The following KIAA0232 variants were observed in gnomAD, a reference collection of about 807,000 sequenced individuals.
KIAA0232 encodes uncharacterized protein KIAA0232.
In KIAA0232, 27 loss-of-function variants were observed where a neutral mutation model predicts 122.0. The ratio of observed to expected loss-of-function variants is 0.22; its 90% CI spans 0.16 to 0.31. The LOEUF is 0.31. Among genes scored for constraint, KIAA0232 ranks in the 10% least tolerant of loss-of-function variants. The probability of loss-of-function intolerance (pLI) is 1.00; values close to 1 mark genes in which losing one functional copy is unlikely to be tolerated. For missense variants in KIAA0232, 1,551 were observed against 1,634.2 expected (o/e 0.95, Z 0.88); for synonymous variants, 613 against 587.6 (o/e 1.04, Z -0.63).
In KIAA0232 at chr4:6,816,683, C is replaced by T. The variant is rs564527011; in HGVS notation, c.-269-7502C>T. ...GAAAGTTTGTATAGAATTGGAATTA[C>T]GCTTTTCTTAAATATTTGGTAGAAT... is the stretch of plus-strand genomic sequence containing the variant. On this transcript the variant is annotated intron_variant, in intron 2 of 9. Transcript: ENST00000307659. 6.6e-4 allele frequency among the ~76,000 whole-genome samples: 101 copies of T among 152,208 alleles called. 2 individuals carry two copies. In the South Asian group the frequency reaches 0.012, roughly 19 times the overall value.
In KIAA0232 at chr4:6,858,524, C is replaced by T. The variant is rs763117558; in HGVS notation, c.518+18C>T. Reference sequence around the variant, plus strand: ...GTGGAAATGTATGTAAGATTGTATTCGGTAATAAAGTGTGCATTTGTTAAA... The same window carrying T: ...GTGGAAATGTATGTAAGATTGTATTTGGTAATAAAGTGTGCATTTGTTAAA... On this transcript the variant is annotated intron_variant, in intron 6 of 9. Coordinates refer to ENST00000307659, the MANE Select transcript of KIAA0232 (RefSeq NM_014743.3). 164 of 1,532,592 alleles carry T rather than the reference C, an allele frequency of 1.1e-4. 1 individual carries two copies. Among genetic ancestry groups the T allele is most frequent in the South Asian group, 5.0e-4 (43 of 85,826 alleles). The allele number at this position is 1,532,592 out of a possible 1,614,324, so 94.9% of individuals were successfully genotyped here.
At chr4:6,866,835 G>C (rs1027753060) in intron 7 of KIAA0232, among the ~76,000 whole-genome samples, 3 of 152,190 alleles carry the variant, frequency 2.0e-5, no homozygotes, top group Admixed American at 6.5e-5. Context: ...TGCCCATACA[G>C]AATTCAGCGT....
chr4:6,843,927 CTTTTTTTTTTTT>C (rs373793407), intron 4 of KIAA0232, among the ~76,000 whole-genome samples: 38 of 46,360 alleles, frequency 8.2e-4, no homozygotes, highest in South Asian at 4.2e-3. Context: ...AGTTACCCAT[CTTTTTTTTTTTT>C]TTTTTTTTTT....
chr4:6,875,053 T>C (rs924917405), intron 8 of KIAA0232, among the ~76,000 whole-genome samples: 1 of 151,990 alleles, frequency 6.6e-6, no homozygotes, highest in East Asian at 1.9e-4. Flanking sequence ...CCATATGGAG[T>C]GGGCCATGGA....
At chr4:6,786,584 A>T (rs1165423343) in intron 1 of KIAA0232, among the ~76,000 whole-genome samples, 1 of 152,236 alleles carries the variant, frequency 6.6e-6, no homozygotes, top group East Asian at 1.9e-4. Context: ...CTGGGATTAC[A>T]AGCATGAGCC....
At chr4:6,872,818 G>A (rs1262030514) in intron 8 of KIAA0232, among the ~76,000 whole-genome samples, 10 of 152,236 alleles carry the variant, frequency 6.6e-5, no homozygotes, top group Admixed American at 4.6e-4. Flanking sequence ...TGTTGTCCTC[G>A]GAAAGCCTCC....
intron 2 of KIAA0232, among the ~76,000 whole-genome samples, chr4:6,821,546 C>T (rs1030215768): frequency 6.6e-6 from 1 of 151,946 alleles, no homozygotes; most frequent in Admixed American, 6.6e-5. Flanking sequence ...CTGCAAATGC[C>T]ATTACTTCGT....
At chr4:6,817,437 G>A (rs935367296) in intron 2 of KIAA0232, among the ~76,000 whole-genome samples, 67 of 152,134 alleles carry the variant, frequency 4.4e-4, no homozygotes, top group African/African-American at 1.5e-3. Context: ...GGATGGTCTC[G>A]ATCTCCTGAC....
At chr4:6,831,693 C>G (rs931063878) in intron 3 of KIAA0232, among the ~76,000 whole-genome samples, 2 of 152,206 alleles carry the variant, frequency 1.3e-5, no homozygotes, top group Admixed American at 6.5e-5. Context: ...AGAAGCCCCC[C>G]TCGTGTCCCA....
chr4:6,843,539 C>G (rs1014139769), intron 4 of KIAA0232, among the ~76,000 whole-genome samples: 1 of 152,140 alleles, frequency 6.6e-6, no homozygotes, highest in Non-Finnish European at 1.5e-5. Context: ...GAGGCCAAGG[C>G]GGGCAGATCA....
intron 4 of KIAA0232, among the ~76,000 whole-genome samples, chr4:6,854,799 A>T (rs548502719): frequency 1.3e-5 from 2 of 152,304 alleles, no homozygotes. Flanking sequence ...TTATTAAGAT[A>T]TAACTTAATC....
chr4:6,831,575 T>C (rs1261094714), intron 3 of KIAA0232, among the ~76,000 whole-genome samples: 2 of 152,250 alleles, frequency 1.3e-5, no homozygotes, highest in Non-Finnish European at 2.9e-5. Flanking sequence ...AAACTTTTTA[T>C]TGAGGCATAA....
intron 1 of KIAA0232, among the ~76,000 whole-genome samples, chr4:6,790,041 A>AC (rs1491137151): frequency 6.6e-6 from 1 of 152,140 alleles, no homozygotes; most frequent in African/African-American, 2.4e-5. Flanking sequence ...GAAAAAAAAA[A>AC]GAGTGGAAAA....
chr4:6,847,203 G>A (rs1036310038), intron 4 of KIAA0232, among the ~76,000 whole-genome samples: 15 of 152,274 alleles, frequency 9.9e-5, no homozygotes, highest in South Asian at 6.2e-4. Flanking sequence ...GTGACCATGC[G>A]TGTATGTGAC....
intron 2 of KIAA0232, among the ~76,000 whole-genome samples, chr4:6,818,257 T>G (rs1196893720): frequency 3.3e-5 from 5 of 151,692 alleles, no homozygotes; most frequent in African/African-American, 1.2e-4. Flanking sequence ...AAAAATTAGC[T>G]GGGCATGGTG....
intron 4 of KIAA0232, among the ~76,000 whole-genome samples, chr4:6,847,134 A>C (rs987495063): frequency 2.0e-5 from 3 of 152,006 alleles, no homozygotes; most frequent in African/African-American, 7.2e-5. Flanking sequence ...TATGCATTAC[A>C]TGTGAGATGA....
chr4:6,839,536 C>T (rs146360278), intron 3 of KIAA0232, among the ~76,000 whole-genome samples: 4 of 152,332 alleles, frequency 2.6e-5, no homozygotes, highest in East Asian at 3.9e-4. Context: ...TGAGTGACAA[C>T]TGCCAGTTTA....
In KIAA0232 at chr4:6,880,907, G is replaced by A; in HGVS notation, c.4129G>A (p.Gly1377Ser). The change falls in exon 10 of 10, where the codon GGC (glycine) becomes AGC (serine). Residue 1377 changes from glycine to serine, a missense_variant. By Grantham distance (56) the Gly-to-Ser change is moderately conservative. This residue lies in a region of KIAA0232 where 1,108 missense variants were observed against 1,154.8 expected (regional missense o/e 0.96). Coordinates refer to ENST00000307659, the MANE Select transcript of KIAA0232 (RefSeq NM_014743.3). The stretch of plus-strand genomic sequence containing the variant: ...CACCTCGGAAGAGACAGGCTCAGAA[G>A]GCGGAGGCGAGTGGGTGGGCCCTAG... The part of the protein sequence containing the change: ...SSTSEETGSE[G>S]GGEWVGPSEE... 3.1e-6 allele frequency: 5 copies of A among 1,606,174 alleles called. No individual in the cohort carries two copies. Among genetic ancestry groups the A allele is most frequent in the Non-Finnish European group, 4.3e-6 (5 of 1,175,880 alleles).
chr4:6,828,704 A>C (rs917805432), intron 3 of KIAA0232, among the ~76,000 whole-genome samples: 11 of 152,140 alleles, frequency 7.2e-5, no homozygotes, highest in Admixed American at 5.9e-4. Context: ...TCCCTACCAT[A>C]CTGTTGAATA....
Sources: allele counts gnomAD v4.1 joint callset (sites outside exome capture counted in the v4.1 genomes callset), GRCh38; gene constraint gnomAD v4.1.1; regional missense constraint gnomAD v4.1.1; transcripts MANE v1.5; gene names NCBI Gene and HGNC (gene_info 2026-07-23, HGNC 2026-07-21).